KLHL14: variants seen among roughly 807,000 people sequenced by gnomAD.
The protein encoded by KLHL14 is kelch-like protein 14.
In KLHL14, 22 loss-of-function variants were observed where a neutral mutation model predicts 64.3. The ratio of observed to expected loss-of-function variants is 0.34; its 90% CI spans 0.24 to 0.49. The LOEUF is 0.49. Among genes scored for constraint, KLHL14 ranks in the 20% least tolerant of loss-of-function variants. The pLI, the probability that KLHL14 is intolerant of heterozygous loss-of-function variation, is 0.99. For synonymous variants in KLHL14, 322 were observed against 333.4 expected (o/e 0.97, Z 0.37); for missense variants, 661 against 789.0 (o/e 0.84, Z 1.94).
rs141058794 is a variant in KLHL14, at chr18:32,679,350, T to C, written c.1588+819A>G. 1.5e-4 allele frequency among the ~76,000 whole-genome samples: 23 copies of C among 152,280 alleles called. No individual in the cohort carries two copies. In the East Asian group the frequency reaches 4.1e-3, roughly 27 times the overall value. On this transcript the variant is annotated intron_variant, in intron 7 of 8. Coordinates refer to ENST00000359358, the MANE Select transcript of KLHL14 (RefSeq NM_020805.3). ...ATGTGCGTTATCTACCATACTTAGA[T>C]AGCCTGTTTCCCATTTAGCTCAATT...
At chr18:32,690,545 A>G (rs1435045205) in intron 4 of KLHL14, among the ~76,000 whole-genome samples, 4 of 152,182 alleles carry the variant, frequency 2.6e-5, no homozygotes, top group African/African-American at 9.6e-5. Flanking sequence ...CCTGGCCAAC[A>G]TGGTGAAACC....
At chr18:32,687,304 T>A in intron 4 of KLHL14, 71 bp from the exon 5 acceptor site, 1 of 1,174,606 alleles carries the variant, frequency 8.5e-7, no homozygotes, top group Non-Finnish European at 1.3e-6. Context: ...TAGTGTTTTA[T>A]CAGACGTCTC....
At chr18:32,768,525 C>T (rs765563373) in intron 2 of KLHL14, among the ~76,000 whole-genome samples, 1 of 151,972 alleles carries the variant, frequency 6.6e-6, no homozygotes, top group Non-Finnish European at 1.5e-5. Context: ...AAACCATGTA[C>T]TTTGCTACAC....
intron 4 of KLHL14, among the ~76,000 whole-genome samples, chr18:32,689,511 G>A (rs968874816): frequency 1.3e-5 from 2 of 152,196 alleles, no homozygotes; most frequent in Non-Finnish European, 2.9e-5. Flanking sequence ...CGGAGGGGAT[G>A]AAAGCCTGAG....
chr18:32,750,998 T>C (rs1049881315), intron 2 of KLHL14, among the ~76,000 whole-genome samples: 1 of 152,204 alleles, frequency 6.6e-6, no homozygotes, highest in African/African-American at 2.4e-5. Flanking sequence ...TATTAGTAAA[T>C]GTCTTCCTGG....
intron 5 of KLHL14, among the ~76,000 whole-genome samples, chr18:32,682,869 C>T (rs542590347): frequency 7.8e-4 from 119 of 152,150 alleles, no homozygotes; most frequent in Non-Finnish European, 1.4e-3. Context: ...CAGTACACTT[C>T]TTCCATGTGA....
intron 1 of KLHL14, chr18:32,772,188 T>A (rs1319604093): frequency 7.7e-6 from 3 of 387,716 alleles, no homozygotes; most frequent in Non-Finnish European, 1.1e-5. Flanking sequence ...CCCCTTCCAC[T>A]GCGGCTCACT....
intron 2 of KLHL14, among the ~76,000 whole-genome samples, chr18:32,768,870 A>T (rs1376405785): frequency 6.6e-6 from 1 of 152,184 alleles, no homozygotes; most frequent in East Asian, 1.9e-4. Context: ...ACACAGACCA[A>T]CTGGAGCTAG....
intron 5 of KLHL14, among the ~76,000 whole-genome samples, chr18:32,685,256 A>G (rs2049871360): frequency 6.6e-6 from 1 of 152,164 alleles, no homozygotes; most frequent in Non-Finnish European, 1.5e-5. Flanking sequence ...ACAGACTATC[A>G]AGTAAACAAT....
intron 2 of KLHL14, among the ~76,000 whole-genome samples, chr18:32,767,183 G>A (rs2050351104): frequency 6.6e-6 from 1 of 152,116 alleles, no homozygotes; most frequent in Admixed American, 6.5e-5. Context: ...GACACATAAG[G>A]CTAAGGGAAC....
intron 2 of KLHL14, among the ~76,000 whole-genome samples, chr18:32,766,692 C>T (rs2050347306): frequency 1.3e-5 from 2 of 151,976 alleles, no homozygotes; most frequent in South Asian, 2.1e-4. Context: ...TCTTATTTTA[C>T]TTATTGTCCT....
chr18:32,697,926 G>T (rs1465065173), intron 3 of KLHL14, among the ~76,000 whole-genome samples: 1 of 151,928 alleles, frequency 6.6e-6, no homozygotes, highest in African/African-American at 2.4e-5. Flanking sequence ...ATATTTCTTG[G>T]GTGAGCATTT....
intron 3 of KLHL14, among the ~76,000 whole-genome samples, chr18:32,713,103 G>A (rs973433967): frequency 6.6e-6 from 1 of 152,162 alleles, no homozygotes; most frequent in African/African-American, 2.4e-5. Context: ...ACTCCCAACA[G>A]TTTATGCTGC....
chr18:32,709,174 C>T (rs143724410), intron 3 of KLHL14, among the ~76,000 whole-genome samples: 1 of 152,256 alleles, frequency 6.6e-6, no homozygotes, highest in East Asian at 1.9e-4. Flanking sequence ...AGCTCTTTTC[C>T]ACACTCTGCC....
intron 3 of KLHL14, among the ~76,000 whole-genome samples, chr18:32,732,186 T>C (rs2050140415): frequency 6.6e-6 from 1 of 152,200 alleles, no homozygotes; most frequent in Non-Finnish European, 1.5e-5. Context: ...ATTGTGCCAC[T>C]GCATTCCTGC....
At position 32,673,345 on chromosome 18, in the gene KLHL14, T is replaced by G. The variant is rs2049794853; in HGVS notation, c.*1312A>C. 1.3e-5 allele frequency: 2 copies of G among 152,206 alleles called. No individual in the cohort carries two copies. The highest frequency in any genetic ancestry group is 2.4e-5 in the African/African-American group (1 of 41,440). The allele number at this position is 152,206 out of a possible 1,614,324, so 9.4% of individuals were successfully genotyped here. A position where few individuals can be genotyped will look rare whatever the true frequency, so the allele number is the denominator to read the frequency against. The stretch of plus-strand genomic sequence containing the variant: ...GGATGGTTAAAATATATTTTAGGCT[T>G]TTATTTACTCCTAAAGTTGTTGTTC... On this transcript the variant is annotated 3_prime_UTR_variant, in exon 9 of 9. Coordinates refer to ENST00000359358, the MANE Select transcript of KLHL14 (RefSeq NM_020805.3).
At chr18:32,751,561 T>A (rs931124537) in intron 2 of KLHL14, among the ~76,000 whole-genome samples, 1 of 152,208 alleles carries the variant, frequency 6.6e-6, no homozygotes. Context: ...CAGGTGTGGC[T>A]GAAAATGCCT....
chr18:32,768,164 G>A (rs1239558055), intron 2 of KLHL14, among the ~76,000 whole-genome samples: 1 of 152,000 alleles, frequency 6.6e-6, no homozygotes, highest in Non-Finnish European at 1.5e-5. Flanking sequence ...ACGGGGATTT[G>A]GATTCTTGTT....
intron 3 of KLHL14, among the ~76,000 whole-genome samples, chr18:32,733,359 GAGAGAC>G (rs2050146185): frequency 6.7e-6 from 1 of 150,022 alleles, no homozygotes; most frequent in Admixed American, 6.7e-5. Flanking sequence ...GTGTGTGTGA[GAGAGAC>G]AGAGAGAGAG....
Sources: gnomAD v4.1 joint callset for allele counts (sites outside exome capture counted in the v4.1 genomes callset) on GRCh38, gnomAD v4.1.1 for gene constraint, MANE v1.5 for transcripts, NCBI Gene and HGNC (gene_info 2026-07-23, HGNC 2026-07-21) for gene names.